The following PSMD12 variants were observed in gnomAD, a reference collection of about 807,000 sequenced individuals.
PSMD12 encodes the protein proteasome 26S subunit, non-ATPase 12, also known as 26S proteasome non-ATPase regulatory subunit 12.
In PSMD12, 8 loss-of-function variants were observed where a neutral mutation model predicts 62.9. The ratio of observed to expected loss-of-function variants is 0.13; its 90% CI spans 0.07 to 0.23. The LOEUF is 0.23. PSMD12 is among the 10% of genes least tolerant of loss of function. The pLI is 1.00. For missense variants in PSMD12, 424 were observed against 550.2 expected (o/e 0.77, Z 2.29); for synonymous variants, 173 against 187.4 (o/e 0.92, Z 0.63).
rs2041946830 is a variant in PSMD12 at position 67,344,649 on chromosome 17, C to G, written c.1040G>C (p.Gly347Ala). The G allele has an allele frequency of 6.2e-7, 1 of 1,612,240 alleles. No individual in the cohort carries two copies. The highest frequency in any genetic ancestry group is 2.2e-5 in the East Asian group (1 of 44,824). The change falls in exon 9 of 11, where the codon GGT becomes GCT. Residue 347 changes from glycine to alanine, a missense_variant. Transcript: ENST00000356126. ...CTTCAAGTCTTTCCACCTTTTTTCA[C>G]CTTCCTCTGTAGAACCAAAAACATC... Reference protein sequence around the residue: ...ATDVFGSTEEGEKRWKDLKNR... With the variant: ...ATDVFGSTEEAEKRWKDLKNR...
intron 3 of PSMD12, among the ~76,000 whole-genome samples, chr17:67,355,059 T>A (rs1371498441): frequency 1.3e-5 from 2 of 151,434 alleles, no homozygotes; most frequent in Non-Finnish European, 2.9e-5. Context: ...AAATCTATAC[T>A]AATTCTTCAC....
intron 1 of PSMD12, among the ~76,000 whole-genome samples, chr17:67,358,699 G>T (rs2042102548): frequency 6.6e-6 from 1 of 151,928 alleles, no homozygotes; most frequent in Non-Finnish European, 1.5e-5. Context: ...TAAAAAGAAT[G>T]CTTGGAGCTA....
chr17:67,342,295 G>T, intron 9 of PSMD12, 32 bp from the exon 10 acceptor site: 1 of 1,380,968 alleles, frequency 7.2e-7, no homozygotes, highest in Non-Finnish European at 1.0e-6. Flanking sequence ...GGGAGAACAC[G>T]TAACATTTGT....
rs1376141861 is a variant in PSMD12 at position 67,347,477 on chromosome 17, G to A, written c.519C>T (p.Thr173=). The A allele has an allele frequency of 6.2e-7, 1 of 1,612,572 alleles. No homozygotes were observed. Among genetic ancestry groups the A allele is most frequent in the South Asian group, 1.1e-5 (1 of 90,928 alleles). Reference sequence around the variant, plus strand: ...GCTCTTTCTTTTCCATTGACCCGTAGGTTTCCACCTAGCACAGTAATTCCC... The same window carrying A: ...GCTCTTTCTTTTCCATTGACCCGTAAGTTTCCACCTAGCACAGTAATTCCC... The part of the protein sequence containing the change: ...ASILQELQVE[T]YGSMEKKERV... The change falls in exon 6 of 11, where the codon ACC becomes ACT. Residue 173 remains threonine, a synonymous_variant. Transcript: ENST00000356126.
intron 1 of PSMD12, among the ~76,000 whole-genome samples, chr17:67,360,044 C>T (rs776129152): frequency 6.6e-6 from 1 of 152,206 alleles, no homozygotes; most frequent in South Asian, 2.1e-4. Context: ...GGGCTCCTGC[C>T]TCAAGCTCCA....
chr17:67,346,518 C>T (rs1339040164), intron 7 of PSMD12, among the ~76,000 whole-genome samples: 1 of 151,868 alleles, frequency 6.6e-6, no homozygotes, highest in African/African-American at 2.4e-5. Flanking sequence ...TGAGCCAAGA[C>T]TGTGCCACTG....
chr17:67,339,648 GTTTTTC>G lies in PSMD12; in HGVS notation c.*1189_*1194del, dbSNP rs1222956628. 1.3e-5 allele frequency: 2 copies of G among 152,016 alleles called. No individual in the cohort carries two copies. Among genetic ancestry groups the G allele is most frequent in the East Asian group, 1.9e-4 (1 of 5,190 alleles). 9.4% of individuals were successfully genotyped at this position (152,016 alleles called of 1,614,324 possible). On this transcript the variant is annotated 3_prime_UTR_variant, in exon 11 of 11. Coordinates refer to ENST00000356126, the MANE Select transcript of PSMD12 (RefSeq NM_002816.5). ...GGAGAAATGCCATTTCTAGAATGCT[GTTTTTC>G]TTTTTCTCTTCATTTGAATTTTTTT...
At position 67,344,797 on chromosome 17, in the gene PSMD12, T is replaced by TCTTA; in HGVS notation, c.909-21_909-18dup. 1.3e-6 allele frequency: 2 copies of TCTTA among 1,518,530 alleles called. No individual in the cohort carries two copies. The highest frequency in any genetic ancestry group is 1.8e-6 in the Non-Finnish European group (2 of 1,123,404). The allele number at this position is 1,518,530 out of a possible 1,614,324, so 94.1% of individuals were successfully genotyped here. A position where few individuals can be genotyped will look rare whatever the true frequency, so the allele number is the denominator to read the frequency against. ...AAAAGATCCCTGAAAATTGTATACA[T>TCTTA]CTTAATATTCCAAATCTGTAAAAAT... On this transcript the variant is annotated splice_polypyrimidine_tract_variant and intron_variant, in intron 8 of 10. Transcript: ENST00000356126.
intron 3 of PSMD12, among the ~76,000 whole-genome samples, chr17:67,356,557 C>CAAAAAA (rs35353017): frequency 0.039 from 584 of 15,036 alleles, 9 homozygotes; most frequent in Non-Finnish European, 0.048. Flanking sequence ...GACTCCGTCT[C>CAAAAAA]AAAAAAAAAA....
chr17:67,359,470 T>C (rs2143730573), intron 1 of PSMD12, among the ~76,000 whole-genome samples: 1 of 152,348 alleles, frequency 6.6e-6, no homozygotes, highest in African/African-American at 2.4e-5. Context: ...ATTGTTTTTC[T>C]AACCAAAAAT....
At chr17:67,349,907 C>A (rs1009736248) in intron 4 of PSMD12, among the ~76,000 whole-genome samples, 2 of 152,114 alleles carry the variant, frequency 1.3e-5, no homozygotes, top group Admixed American at 6.5e-5. Flanking sequence ...AATATTATTT[C>A]CTCTATGTCT....
chr17:67,354,973 G>C (rs938123782), intron 3 of PSMD12, among the ~76,000 whole-genome samples: 1 of 152,062 alleles, frequency 6.6e-6, no homozygotes, highest in African/African-American at 2.4e-5. Context: ...CTGGGGGACA[G>C]AGCAAGACTG....
chr17:67,345,951 T>A (rs1174823481), intron 7 of PSMD12, 94 bp from the exon 8 acceptor site: 3 of 1,188,332 alleles, frequency 2.5e-6, no homozygotes, highest in Non-Finnish European at 3.6e-6. Flanking sequence ...TATATCCATT[T>A]CAAATTTTAA....
intron 3 of PSMD12, chr17:67,355,302 G>C (rs2042058137): frequency 6.6e-6 from 1 of 152,120 alleles, no homozygotes; most frequent in Non-Finnish European, 1.5e-5. Context: ...GTATTGCCCA[G>C]ACTGGTCTCG....
rs890402373 is a variant in PSMD12 at position 67,340,633 on chromosome 17, C to T, written c.*210G>A. On this transcript the variant is annotated 3_prime_UTR_variant, in exon 11 of 11. Transcript: ENST00000356126. ...TGACACAACTTTTTGTGTATTCAGA[C>T]GACAGAAATCTGTATTTTTGCACCA... 10 of 440,876 alleles carry T rather than the reference C, an allele frequency of 2.3e-5. No individual in the cohort carries two copies. The highest frequency in any genetic ancestry group is 1.0e-4 in the African/African-American group (5 of 48,510). The allele number at this position is 440,876 out of a possible 1,614,324, so 27.3% of individuals were successfully genotyped here.
intron 8 of PSMD12, 81 bp from the exon 9 acceptor site, chr17:67,344,861 C>A (rs1417364843): frequency 9.2e-6 from 11 of 1,192,272 alleles, no homozygotes; most frequent in African/African-American, 1.5e-5. Context: ...TCAAAAAATT[C>A]AGCAAAGACT....
chr17:67,338,021 AC>A lies in PSMD12; in HGVS notation c.*2821del, dbSNP rs1235008126. ...GAGCTGAAAACAATTTAAAATATGT[AC>A]TTTTATCACATTTAACACTTACAAG... is the stretch of plus-strand genomic sequence containing the variant. On this transcript the variant is annotated 3_prime_UTR_variant, in exon 11 of 11. Coordinates refer to ENST00000356126, the MANE Select transcript of PSMD12 (RefSeq NM_002816.5). 1 of 152,202 alleles carries A rather than the reference AC, an allele frequency of 6.6e-6. No individual in the cohort carries two copies. The highest frequency in any genetic ancestry group is 1.5e-5 in the Non-Finnish European group (1 of 68,030). The allele number at this position is 152,202 out of a possible 1,614,324, so 9.4% of individuals were successfully genotyped here. A position where few individuals can be genotyped will look rare whatever the true frequency, so the allele number is the denominator to read the frequency against.
intron 5 of PSMD12, among the ~76,000 whole-genome samples, chr17:67,348,198 C>T (rs2041985883): frequency 6.6e-6 from 1 of 152,106 alleles, no homozygotes; most frequent in Admixed American, 6.6e-5. Flanking sequence ...AAGAAACTGC[C>T]AAACTGTTTT....
chr17:67,340,676 A>T lies in PSMD12; in HGVS notation c.*167T>A. On this transcript the variant is annotated 3_prime_UTR_variant, in exon 11 of 11. Coordinates refer to ENST00000356126, the MANE Select transcript of PSMD12 (RefSeq NM_002816.5). Reference sequence around the variant, plus strand: ...TTGCACCAATTGCAAATGCAAAGTTAACAATGAACTTGGGGAACTGAAAGG... The same window carrying T: ...TTGCACCAATTGCAAATGCAAAGTTTACAATGAACTTGGGGAACTGAAAGG... 1 of 489,582 alleles carries T rather than the reference A, an allele frequency of 2.0e-6. No homozygotes were observed. The highest frequency in any genetic ancestry group is 3.4e-6 in the Non-Finnish European group (1 of 293,368). The allele number at this position is 489,582 out of a possible 1,614,324, so 30.3% of individuals were successfully genotyped here.
Sources: gnomAD v4.1 joint callset for allele counts (sites outside exome capture counted in the v4.1 genomes callset) on GRCh38, gnomAD v4.1.1 for gene constraint, MANE v1.5 for transcripts, NCBI Gene and HGNC (gene_info 2026-07-23, HGNC 2026-07-21) for gene names.